AUTS2: variants seen among roughly 807,000 people sequenced by gnomAD.
The protein encoded by AUTS2 is activator of transcription and developmental regulator AUTS2, also known as autism susceptibility gene 2 protein.
AUTS2 carries 17 observed loss-of-function variants against 112.4 expected under a neutral mutation model. The ratio of observed to expected loss-of-function variants is 0.15; its 90% CI spans 0.10 to 0.23. The LOEUF (loss-of-function observed/expected upper bound fraction) is 0.23. Ranked by LOEUF, AUTS2 falls within the 10% of genes least tolerant of loss-of-function variation. AUTS2 has a pLI of 1.00. For missense variants in AUTS2, 1,510 were observed against 1,701.6 expected (o/e 0.89, Z 1.98); for synonymous variants, 751 against 702.7 (o/e 1.07, Z -1.09).
intron 2 of AUTS2, among the ~76,000 whole-genome samples, chr7:69,946,243 C>A (rs1025096590): frequency 5.9e-5 from 9 of 152,130 alleles, no homozygotes; most frequent in Non-Finnish European, 1.2e-4. Context: ...CTTCCAGGTT[C>A]ACCCAAGTTG....
In AUTS2 at chr7:70,394,572, A is replaced by C. The variant is rs145011369; in HGVS notation, c.661-41180A>C. On this transcript the variant is annotated intron_variant, in intron 4 of 18. Coordinates refer to ENST00000342771, the MANE Select transcript of AUTS2 (RefSeq NM_015570.4). Reference sequence around the variant, plus strand: ...AAATAATCTTTGTTCTGAAGTTCTAAGGGATAAGACGCATTGCTACCAACA... The same window carrying C: ...AAATAATCTTTGTTCTGAAGTTCTACGGGATAAGACGCATTGCTACCAACA... 1.1e-3 allele frequency among the ~76,000 whole-genome samples: 172 copies of C among 152,336 alleles called. 3 individuals are homozygous for C. The Middle Eastern group carries it at 0.017, about 15-fold the overall frequency.
chr7:70,538,220 G>A (rs1800401308), intron 5 of AUTS2, among the ~76,000 whole-genome samples: 1 of 152,136 alleles, frequency 6.6e-6, no homozygotes, highest in African/African-American at 2.4e-5. Context: ...CTGGGTGACA[G>A]AGTGAGACCC....
At chr7:69,741,942 G>A (rs1787282681) in intron 1 of AUTS2, among the ~76,000 whole-genome samples, 1 of 151,684 alleles carries the variant, frequency 6.6e-6, no homozygotes. Flanking sequence ...TATTAGGCAT[G>A]AAGCACCACG....
intron 1 of AUTS2, among the ~76,000 whole-genome samples, chr7:69,820,538 A>T (rs1790943948): frequency 6.6e-6 from 1 of 152,240 alleles, no homozygotes; most frequent in African/African-American, 2.4e-5. Flanking sequence ...GGGGGAATAA[A>T]TGAGTAAACA....
At chr7:70,005,356 A>G (rs1256337119) in intron 2 of AUTS2, among the ~76,000 whole-genome samples, 1 of 152,110 alleles carries the variant, frequency 6.6e-6, no homozygotes, top group Non-Finnish European at 1.5e-5. Flanking sequence ...CCCTTGGGGG[A>G]CAGGAACTGT....
rs532627168 is a variant in AUTS2 at position 70,108,151 on chromosome 7, G to A, written c.523-9981G>A. Among the ~76,000 whole-genome samples, 50 of 152,260 alleles carry A rather than the reference G, an allele frequency of 3.3e-4. 1 individual carries two copies. Among genetic ancestry groups the A allele is most frequent in the African/African-American group, 1.2e-3 (49 of 41,542 alleles). On this transcript the variant is annotated intron_variant, in intron 2 of 18. Coordinates refer to ENST00000342771, the MANE Select transcript of AUTS2 (RefSeq NM_015570.4). ...GTTTATTAAGATAGCTATGGACAGT[G>A]TAGGGGCTTAGTCTTGATGAGATTT... is the stretch of plus-strand genomic sequence containing the variant.
chr7:70,016,786 G>A (rs1013481965), intron 2 of AUTS2, among the ~76,000 whole-genome samples: 2 of 151,584 alleles, frequency 1.3e-5, no homozygotes, highest in African/African-American at 2.4e-5. Flanking sequence ...TCCTGTCTCA[G>A]CCTCCCTAGT....
At chr7:70,388,859 T>G (rs1793727888) in intron 4 of AUTS2, among the ~76,000 whole-genome samples, 1 of 146,388 alleles carries the variant, frequency 6.8e-6, no homozygotes, top group Admixed American at 6.8e-5. Context: ...AAATTAAATC[T>G]TTTTTTTTAT....
chr7:69,879,625 T>G (rs1180696632), intron 1 of AUTS2, among the ~76,000 whole-genome samples: 2 of 152,222 alleles, frequency 1.3e-5, no homozygotes, highest in Non-Finnish European at 1.5e-5. Context: ...ATTAACTTAT[T>G]AAATTCTCAC....
chr7:70,284,559 T>A (rs1054594066), intron 4 of AUTS2, among the ~76,000 whole-genome samples: 9 of 152,214 alleles, frequency 5.9e-5, no homozygotes, highest in Non-Finnish European at 1.2e-4. Flanking sequence ...TTAGCATTTT[T>A]AAAATTGTAG....
chr7:69,674,623 A>G lies in AUTS2; in HGVS notation c.309+74661A>G, dbSNP rs189196898. On this transcript the variant is annotated intron_variant, in intron 1 of 18. Coordinates refer to ENST00000342771, the MANE Select transcript of AUTS2 (RefSeq NM_015570.4). ...ATGCCTGAGAGTTCATCACAGGGGCATGGGTGGGTGGGTAGGGAATAAGGG... is the reference window on the plus strand; with the variant it reads ...ATGCCTGAGAGTTCATCACAGGGGCGTGGGTGGGTGGGTAGGGAATAAGGG... Among the ~76,000 whole-genome samples, 857 of 98,794 alleles carry G rather than the reference A, an allele frequency of 8.7e-3. 12 individuals carry two copies. The highest frequency in any genetic ancestry group is 8.6e-3 in the Non-Finnish European group (446 of 51,838). The allele number at this position is 98,794 out of a possible 152,430, so 64.8% of individuals were successfully genotyped here. A position where few individuals can be genotyped will look rare whatever the true frequency, so the allele number is the denominator to read the frequency against.
At chr7:70,677,725 G>C (rs540296558) in intron 5 of AUTS2, among the ~76,000 whole-genome samples, 1 of 151,806 alleles carries the variant, frequency 6.6e-6, no homozygotes, top group South Asian at 2.1e-4. Context: ...AGCCCACCTC[G>C]GGTGACTTTT....
intron 2 of AUTS2, among the ~76,000 whole-genome samples, chr7:69,991,849 A>G (rs1274763406): frequency 6.6e-6 from 1 of 152,182 alleles, no homozygotes; most frequent in East Asian, 1.9e-4. Flanking sequence ...GCTTGTCTTG[A>G]TATCGGAATA....
intron 1 of AUTS2, among the ~76,000 whole-genome samples, chr7:69,838,955 A>G (rs956579435): frequency 6.6e-6 from 1 of 152,180 alleles, no homozygotes; most frequent in Non-Finnish European, 1.5e-5. Flanking sequence ...TTGGGTCACA[A>G]TTAAAATCCT....
At chr7:69,836,732 C>CT (rs1175548669) in intron 1 of AUTS2, among the ~76,000 whole-genome samples, 2 of 152,140 alleles carry the variant, frequency 1.3e-5, no homozygotes, top group Non-Finnish European at 2.9e-5. Context: ...CACTTAAACT[C>CT]TGTTTCAGTC....
At chr7:70,645,206 C>T (rs1806085587) in intron 5 of AUTS2, among the ~76,000 whole-genome samples, 1 of 132,488 alleles carries the variant, frequency 7.5e-6, no homozygotes, top group Non-Finnish European at 1.6e-5. Context: ...GAATCGCTCC[C>T]ACCCTCCCGC....
intron 1 of AUTS2, among the ~76,000 whole-genome samples, chr7:69,656,939 G>T (rs1473075132): frequency 1.3e-5 from 2 of 152,180 alleles, no homozygotes; most frequent in Non-Finnish European, 1.5e-5. Context: ...TGGACTTCAG[G>T]AAAGATAGTC....
intron 6 of AUTS2, among the ~76,000 whole-genome samples, chr7:70,716,133 G>T (rs528543761): frequency 3.6e-4 from 55 of 152,294 alleles, no homozygotes; most frequent in African/African-American, 1.3e-3. Context: ...GGCTGCCCAC[G>T]TATATTGAGT....
At chr7:70,562,957 G>A (rs147230751) in intron 5 of AUTS2, among the ~76,000 whole-genome samples, 53 of 152,236 alleles carry the variant, frequency 3.5e-4, no homozygotes, top group African/African-American at 1.2e-3. Flanking sequence ...TTTTTGCAAC[G>A]CAGGATTTAA....
Sources: gnomAD v4.1 joint callset for allele counts (sites outside exome capture counted in the v4.1 genomes callset) on GRCh38, gnomAD v4.1.1 for gene constraint, MANE v1.5 for transcripts, NCBI Gene and HGNC (gene_info 2026-07-23, HGNC 2026-07-21) for gene names.